Variants in LDB1 observed in about 807,000 individuals in gnomAD.
LDB1 encodes LIM domain binding 1, also known as LIM domain-binding protein 1.
In LDB1, 6 loss-of-function variants were observed where a neutral mutation model predicts 49.7. The observed-to-expected ratio is 0.12, with a 90% CI of 0.07 to 0.24. The LOEUF (loss-of-function observed/expected upper bound fraction) is 0.24. Among genes scored for constraint, LDB1 ranks in the 10% least tolerant of loss-of-function variants. The pLI, the probability that LDB1 is intolerant of heterozygous loss-of-function variation, is 1.00. For synonymous variants in LDB1, 233 were observed against 202.0 expected (o/e 1.15, Z -1.30); for missense variants, 341 against 561.7 (o/e 0.61, Z 3.97).
At position 102,109,556 on chromosome 10, in the gene LDB1, A is replaced by G; in HGVS notation, c.732+44T>C. 1 of 1,614,062 alleles carries G rather than the reference A, an allele frequency of 6.2e-7. No individual in the cohort carries two copies. The highest frequency in any genetic ancestry group is 8.5e-7 in the Non-Finnish European group (1 of 1,179,982). On this transcript the variant is annotated intron_variant, in intron 8 of 10. Coordinates refer to ENST00000673968, the MANE Select transcript of LDB1 (RefSeq NM_001113407.3). This position sits in a 1 kb window ranked among gnomAD's most constrained non-coding sequence, Gnocchi z 5.8. ...TTGTCAGGGGACAGACATGGAGCCGAGACTAAATGGACTGGGGCAGAAACT... is the reference window on the plus strand; with the variant it reads ...TTGTCAGGGGACAGACATGGAGCCGGGACTAAATGGACTGGGGCAGAAACT...
chr10:102,108,881 C>T, intron 10 of LDB1, 148 bp downstream of exon 10: 3 of 1,047,782 alleles, frequency 2.9e-6, no homozygotes, highest in Non-Finnish European at 4.4e-6. Context: ...AGAACTCTCT[C>T]ACCAGTAAAA....
At chr10:102,114,338 A>AT in intron 1 of LDB1, 1 of 985,990 alleles carries the variant, frequency 1.0e-6, no homozygotes, top group Non-Finnish European at 1.2e-6. Context: ...CAGCCCGCAG[A>AT]TCAGGCCCGG....
intron 1 of LDB1, among the ~76,000 whole-genome samples, chr10:102,116,436 C>CT (rs1352992283): frequency 3.3e-5 from 5 of 152,166 alleles, no homozygotes; most frequent in Admixed American, 3.3e-4. Flanking sequence ...CCACCTTGGC[C>CT]TCCCAAAGTG....
chr10:102,102,871 T>C (rs1485670174), downstream of LDB1, among the ~76,000 whole-genome samples: 1 of 152,026 alleles, frequency 6.6e-6, no homozygotes, highest in Non-Finnish European at 1.5e-5. Flanking sequence ...CATAGCACAC[T>C]GTGGCCTCAA....
intron 1 of LDB1, among the ~76,000 whole-genome samples, chr10:102,119,527 C>G (rs1165169295): frequency 6.6e-6 from 1 of 152,074 alleles, no homozygotes; most frequent in East Asian, 1.9e-4. Flanking sequence ...TCTGGCACCT[C>G]TTAGGAGTAC....
chr10:102,121,397 A>C (rs1253175572), upstream of LDB1, among the ~76,000 whole-genome samples: 1 of 152,094 alleles, frequency 6.6e-6, no homozygotes, highest in Non-Finnish European at 1.5e-5. Flanking sequence ...CCTAACCCAG[A>C]GAGGCAGAGG....
intron 1 of LDB1, among the ~76,000 whole-genome samples, chr10:102,113,120 T>C (rs1199462312): frequency 6.6e-6 from 1 of 152,152 alleles, no homozygotes; most frequent in East Asian, 1.9e-4. Flanking sequence ...TTTTGTTTCT[T>C]TGGGGGGAAG....
chr10:102,109,424 G>C lies in LDB1; in HGVS notation c.816C>G (p.Thr272=). 6.2e-7 allele frequency: 1 copy of C among 1,614,220 alleles called. No homozygotes were observed. The highest frequency in any genetic ancestry group is 8.5e-7 in the Non-Finnish European group (1 of 1,180,038). The change falls in exon 9 of 11, where the codon ACC becomes ACG. Residue 272 remains threonine (T), a synonymous_variant. Coordinates refer to ENST00000673968, the MANE Select transcript of LDB1 (RefSeq NM_001113407.3). The surrounding 1 kb of genome is among the most constrained non-coding windows in gnomAD (Gnocchi z 5.8). ...YSLSPRDCLK[T]CLFQKWQRMV... ...TGCGCTGCCACTTCTGGAAAAGGCAGGTCTTGAGGCAGTCGCGGGGGCTGA... is the reference window on the plus strand; with the variant it reads ...TGCGCTGCCACTTCTGGAAAAGGCACGTCTTGAGGCAGTCGCGGGGGCTGA...
intron 1 of LDB1, among the ~76,000 whole-genome samples, chr10:102,112,991 A>G (rs1232103899): frequency 6.6e-6 from 1 of 152,200 alleles, no homozygotes; most frequent in Non-Finnish European, 1.5e-5. Context: ...CACAGGCCCA[A>G]AAGTTCATCT....
At chr10:102,103,184 T>C (rs2068131969), downstream of LDB1, among the ~76,000 whole-genome samples, 1 of 151,500 alleles carries the variant, frequency 6.6e-6, no homozygotes, top group Admixed American at 6.6e-5. Context: ...TGCATGATCA[T>C]GCCCAGCTAA....
In LDB1 at chr10:102,107,778, C is replaced by T. The variant is rs1238089619; in HGVS notation, c.*315G>A. ...GGGTAAAGTCAGGGGGATGGGAAAC[C>T]CACAATCTGGGGTGAAGATGGAGGC... On this transcript the variant is annotated 3_prime_UTR_variant, in exon 11 of 11. Transcript: ENST00000673968. The T allele has an allele frequency of 2.4e-6, 1 of 414,814 alleles. No individual in the cohort carries two copies. 25.7% of individuals were successfully genotyped at this position (414,814 alleles called of 1,614,324 possible).
At chr10:102,115,943 C>T (rs920162319) in intron 1 of LDB1, among the ~76,000 whole-genome samples, 22 of 152,042 alleles carry the variant, frequency 1.4e-4, no homozygotes, top group Admixed American at 1.0e-3. Flanking sequence ...CACACACACA[C>T]ACACGGGAAG....
At chr10:102,106,116 C>T (rs976238667), downstream of LDB1, among the ~76,000 whole-genome samples, 3 of 152,106 alleles carry the variant, frequency 2.0e-5, no homozygotes, top group Non-Finnish European at 4.4e-5. Context: ...GTCCCCTCTC[C>T]CACCCCTCCC....
chr10:102,110,048 G>A lies in LDB1; in HGVS notation c.526-5C>T, dbSNP rs549726085. ...CAACCGGCCCTCCACACACACCTGG[G>A]GACAGGCTTGTCAGAACCCTGCCCC... On this transcript the variant is annotated splice_region_variant and splice_polypyrimidine_tract_variant and intron_variant, in intron 6 of 10. Transcript: ENST00000673968. 70 of 1,611,222 alleles carry A rather than the reference G, an allele frequency of 4.3e-5. No individual in the cohort carries two copies. Among genetic ancestry groups the A allele is most frequent in the Admixed American group, 1.0e-4 (6 of 59,820 alleles).
At chr10:102,104,190 G>A (rs2068137928), downstream of LDB1, among the ~76,000 whole-genome samples, 2 of 152,168 alleles carry the variant, frequency 1.3e-5, no homozygotes, top group South Asian at 4.1e-4. Flanking sequence ...ATCAGACCGG[G>A]TCAGGAAAAA....
intron 1 of LDB1, among the ~76,000 whole-genome samples, chr10:102,119,216 T>C (rs2068372982): frequency 6.6e-6 from 1 of 152,036 alleles, no homozygotes; most frequent in Admixed American, 6.5e-5. Flanking sequence ...AGACAGACAG[T>C]GTGCCGTGAG....
At chr10:102,119,210 A>G (rs1489548750) in intron 1 of LDB1, among the ~76,000 whole-genome samples, 1 of 152,110 alleles carries the variant, frequency 6.6e-6, no homozygotes, top group Non-Finnish European at 1.5e-5. Context: ...GGATGGAGAC[A>G]GACAGTGTGC....
At position 102,108,872 on chromosome 10, in the gene LDB1, G is replaced by C. The variant is rs190131659; in HGVS notation, c.1005+157C>G. 812 of 962,118 alleles carry C rather than the reference G, an allele frequency of 8.4e-4. 3 individuals carry two copies. The highest frequency in any genetic ancestry group is 1.1e-3 in the Non-Finnish European group (691 of 615,390). 59.6% of individuals were successfully genotyped at this position (962,118 alleles called of 1,614,324 possible). On this transcript the variant is annotated intron_variant, in intron 10 of 10. Coordinates refer to ENST00000673968, the MANE Select transcript of LDB1 (RefSeq NM_001113407.3). ...TCACACCCATGCAAGTGCCTGACAA[G>C]AACTCTCTCACCAGTAAAAGCAGTT...
Position 102,109,409 on chromosome 10 carries a change from C to T in LDB1, c.831G>A (p.Lys277=), listed in dbSNP as rs776117140. 2 of 1,614,202 alleles carry T rather than the reference C, an allele frequency of 1.2e-6. No individual in the cohort carries two copies. Among genetic ancestry groups the T allele is most frequent in the Non-Finnish European group, 1.7e-6 (2 of 1,180,040 alleles). ...CAGGGGGTGCTACCATGCGCTGCCA[C>T]TTCTGGAAAAGGCAGGTCTTGAGGC... ...RDCLKTCLFQ[K]WQRMVAPPAE... The change falls in exon 9 of 11, where the codon AAG becomes AAA. Residue 277 remains lysine (K), a synonymous_variant. Coordinates refer to ENST00000673968, the MANE Select transcript of LDB1 (RefSeq NM_001113407.3). The surrounding 1 kb of genome is among the most constrained non-coding windows in gnomAD (Gnocchi z 5.8).
Sources: allele counts gnomAD v4.1 joint callset (sites outside exome capture counted in the v4.1 genomes callset), GRCh38; gene constraint gnomAD v4.1.1; non-coding constraint Gnocchi (gnomAD v3.1); transcripts MANE v1.5; gene names NCBI Gene and HGNC (gene_info 2026-07-23, HGNC 2026-07-21).